IL1RAPL1: variants seen among roughly 807,000 people sequenced by gnomAD.
IL1RAPL1 encodes the protein interleukin-1 receptor accessory protein-like 1.
IL1RAPL1 carries 3 observed loss-of-function variants against 48.4 expected under a neutral mutation model. That is an observed-to-expected ratio of 0.06 (90% CI 0.03 to 0.16). IL1RAPL1 has a LOEUF of 0.16. IL1RAPL1 is among the 10% of genes least tolerant of loss of function. IL1RAPL1 has a pLI of 1.00. For synonymous variants in IL1RAPL1, 185 were observed against 187.7 expected (o/e 0.99, Z 0.12); for missense variants, 349 against 530.6 (o/e 0.66, Z 3.36).
intron 2 of IL1RAPL1, among the ~76,000 whole-genome samples, chrX:29,082,158 T>C (rs1927857626): frequency 8.9e-6 from 1 of 112,065 alleles, no homozygotes; most frequent in African/African-American, 3.2e-5. Flanking sequence ...AAAATAAAAT[T>C]TGATTTCACA....
intron 1 of IL1RAPL1, among the ~76,000 whole-genome samples, chrX:28,640,173 G>A (rs1300052151): frequency 9.0e-6 from 1 of 111,421 alleles, no homozygotes; most frequent in Non-Finnish European, 1.9e-5. Flanking sequence ...TGAACTGAAC[G>A]TTGCATACTA....
At chrX:29,782,888 ATTTTTTTTTTTTTTT>A (rs780831874) in intron 6 of IL1RAPL1, among the ~76,000 whole-genome samples, 5 of 31,069 alleles carry the variant, frequency 1.6e-4, no homozygotes, top group South Asian at 3.0e-3. Context: ...TGATCGTGAC[ATTTTTTTTTTTTTTT>A]TTTTTTTTTT....
intron 5 of IL1RAPL1, among the ~76,000 whole-genome samples, chrX:29,623,692 A>G (rs755543242): frequency 6.9e-4 from 77 of 112,269 alleles, no homozygotes; most frequent in Non-Finnish European, 1.2e-3. Flanking sequence ...GATTTTACAC[A>G]TTTTGATGCC....
chrX:28,597,848 GC>G (rs1933973169), intron 1 of IL1RAPL1, among the ~76,000 whole-genome samples: 1 of 107,495 alleles, frequency 9.3e-6, no homozygotes, highest in Admixed American at 1.0e-4. Flanking sequence ...CTGTAATGGG[GC>G]TGATCCATTC....
At chrX:29,803,067 G>GCATGTATACATATATGTGTATATGTATA (rs1569173541) in intron 6 of IL1RAPL1, among the ~76,000 whole-genome samples, 32 of 54,327 alleles carry the variant, frequency 5.9e-4, no homozygotes, top group Non-Finnish European at 2.0e-4. Flanking sequence ...ATATATGTAT[G>GCATGTATACATATATGTGTATATGTATA]CATGTATACA....
chrX:28,776,582 G>T (rs762967444), intron 1 of IL1RAPL1, among the ~76,000 whole-genome samples: 2 of 111,928 alleles, frequency 1.8e-5, no homozygotes, highest in South Asian at 7.4e-4. Flanking sequence ...ATTGGATATA[G>T]ATCATTTATG....
chrX:29,565,832 G>T (rs935468265), intron 5 of IL1RAPL1, among the ~76,000 whole-genome samples: 2 of 112,087 alleles, frequency 1.8e-5, no homozygotes, highest in East Asian at 5.5e-4. Flanking sequence ...CAAACATAAA[G>T]GCCATCAAAA....
At chrX:29,057,760 T>A (rs73454752) in intron 2 of IL1RAPL1, among the ~76,000 whole-genome samples, 1 of 111,692 alleles carries the variant, frequency 9.0e-6, no homozygotes. Flanking sequence ...TGATTCACAT[T>A]TATTAAATAG....
intron 2 of IL1RAPL1, among the ~76,000 whole-genome samples, chrX:28,956,235 TA>T (rs1457899984): frequency 9.2e-6 from 1 of 108,303 alleles, no homozygotes; most frequent in Non-Finnish European, 1.9e-5. Context: ...CCTCTTTTCC[TA>T]ATTGAATACC....
At chrX:29,646,228 A>G (rs1334088412) in intron 5 of IL1RAPL1, among the ~76,000 whole-genome samples, 1 of 112,119 alleles carries the variant, frequency 8.9e-6, no homozygotes, top group Non-Finnish European at 1.9e-5. Flanking sequence ...AGTGACCAGT[A>G]CAATAAATTT....
intron 5 of IL1RAPL1, among the ~76,000 whole-genome samples, chrX:29,412,166 G>A (rs1349254471): frequency 9.0e-6 from 1 of 111,220 alleles, no homozygotes; most frequent in East Asian, 2.8e-4. Flanking sequence ...AGCTACTCAG[G>A]AGGCTGAGGC....
chrX:29,189,839 A>T (rs1033237691), intron 2 of IL1RAPL1, among the ~76,000 whole-genome samples: 25 of 111,911 alleles, frequency 2.2e-4, no homozygotes, highest in African/African-American at 8.1e-4. Context: ...CTAGATCTTT[A>T]TACCACAAAC....
At chrX:29,328,640 T>TAGAG (rs1288522410) in intron 3 of IL1RAPL1, among the ~76,000 whole-genome samples, 18 of 100,751 alleles carry the variant, frequency 1.8e-4, no homozygotes, top group African/African-American at 7.1e-4. Flanking sequence ...TGTATATATA[T>TAGAG]ATAGAGAGAG....
chrX:28,979,289 A>G (rs987219426), intron 2 of IL1RAPL1, among the ~76,000 whole-genome samples: 2 of 112,197 alleles, frequency 1.8e-5, no homozygotes, highest in African/African-American at 3.2e-5. Flanking sequence ...TTTCACAGAT[A>G]CTGATTCCAT....
chrX:28,873,388 G>C (rs1198196907), intron 2 of IL1RAPL1, among the ~76,000 whole-genome samples: 1 of 105,971 alleles, frequency 9.4e-6, no homozygotes, highest in Non-Finnish European at 2.0e-5. Flanking sequence ...TGGGATTACA[G>C]GCGCGAGCCA....
At chrX:29,480,601 C>A (rs1385658446) in intron 5 of IL1RAPL1, among the ~76,000 whole-genome samples, 1 of 110,617 alleles carries the variant, frequency 9.0e-6, no homozygotes, top group African/African-American at 3.3e-5. Flanking sequence ...CTTTTCAGAA[C>A]TGCCTATTTT....
Position 28,846,452 on chromosome X carries a change from C to T in IL1RAPL1, c.82+57027C>T, listed in dbSNP as rs745654894. 1.2e-4 allele frequency among the ~76,000 whole-genome samples: 13 copies of T among 111,569 alleles called. No homozygotes were observed. In the South Asian group the frequency reaches 4.9e-3, roughly 42 times the overall value. Reference sequence around the variant, plus strand: ...TTTGGGTAAATTCCGAGGAGTGTGACTACTGAGTCATATGGTAAGAGCATG... The same window carrying T: ...TTTGGGTAAATTCCGAGGAGTGTGATTACTGAGTCATATGGTAAGAGCATG... On this transcript the variant is annotated intron_variant, in intron 2 of 10. Transcript: ENST00000378993.
intron 2 of IL1RAPL1, among the ~76,000 whole-genome samples, chrX:29,009,021 A>C (rs952542862): frequency 9.0e-6 from 1 of 111,536 alleles, no homozygotes; most frequent in Non-Finnish European, 1.9e-5. Flanking sequence ...TAGCCACAAA[A>C]AAGAATGAAA....
chrX:29,584,936 A>G (rs1002754613), intron 5 of IL1RAPL1, among the ~76,000 whole-genome samples: 18 of 112,024 alleles, frequency 1.6e-4, no homozygotes, highest in African/African-American at 5.8e-4. Flanking sequence ...CTTAGCTTCC[A>G]ACATAATCAC....
Sources: gnomAD v4.1 joint callset for allele counts (sites outside exome capture counted in the v4.1 genomes callset) on GRCh38, gnomAD v4.1.1 for gene constraint, MANE v1.5 for transcripts, NCBI Gene and HGNC (gene_info 2026-07-23, HGNC 2026-07-21) for gene names.